The following IFT57 variants were observed in gnomAD, a reference collection of about 807,000 sequenced individuals.
The protein encoded by IFT57 is intraflagellar transport 57, also known as intraflagellar transport protein 57 homolog.
IFT57 carries 59 observed loss-of-function variants against 56.8 expected under a neutral mutation model. The observed-to-expected ratio is 1.04, with a 90% confidence interval of 0.84 to 1.29. The LOEUF is 1.29. Among genes scored for constraint, IFT57 ranks in the 50% most tolerant of loss-of-function variants. The pLI is 0.00. For missense variants in IFT57, 470 were observed against 522.1 expected (o/e 0.90, Z 0.97); for synonymous variants, 209 against 186.1 (o/e 1.12, Z -1.00).
At chr3:108,185,948 G>C (rs189373493) in intron 6 of IFT57, among the ~76,000 whole-genome samples, 1 of 151,892 alleles carries the variant, frequency 6.6e-6, no homozygotes, top group Non-Finnish European at 1.5e-5. Context: ...TTTTGATATC[G>C]GACCATGCCC....
chr3:108,170,622 C>T (rs1035823794), intron 6 of IFT57, among the ~76,000 whole-genome samples: 13 of 151,314 alleles, frequency 8.6e-5, no homozygotes, highest in African/African-American at 2.9e-4. Context: ...CTACCATTGA[C>T]TTTCTACCCA....
chr3:108,198,725 G>A (rs1687827818), intron 5 of IFT57, among the ~76,000 whole-genome samples: 1 of 152,168 alleles, frequency 6.6e-6, no homozygotes, highest in Non-Finnish European at 1.5e-5. Context: ...AGAGGCGTGA[G>A]TCACTGCACT....
chr3:108,190,271 T>C (rs189255831), intron 6 of IFT57, among the ~76,000 whole-genome samples: 3 of 152,278 alleles, frequency 2.0e-5, no homozygotes, highest in African/African-American at 7.2e-5. Flanking sequence ...TGTTCTGAAA[T>C]GTAAGGACAT....
chr3:108,188,396 T>A (rs1291585654), intron 6 of IFT57, among the ~76,000 whole-genome samples: 1 of 152,172 alleles, frequency 6.6e-6, no homozygotes, highest in Non-Finnish European at 1.5e-5. Context: ...CCAATTGCCA[T>A]ATCTGAAAGA....
intron 6 of IFT57, among the ~76,000 whole-genome samples, chr3:108,185,786 T>G (rs981465224): frequency 6.6e-6 from 1 of 152,058 alleles, no homozygotes; most frequent in African/African-American, 2.4e-5. Flanking sequence ...CCCTGAGCCT[T>G]GACAGGAAGA....
chr3:108,209,715 T>C (rs184841501), intron 4 of IFT57, among the ~76,000 whole-genome samples: 21 of 152,352 alleles, frequency 1.4e-4, no homozygotes, highest in Admixed American at 1.2e-3. Flanking sequence ...CTTTGCCTCA[T>C]TGTCACTAAA....
In IFT57 at chr3:108,172,635, T is replaced by A. The variant is rs1411912019; in HGVS notation, c.778-4771A>T. ...GTGAGAATAGAAAGGAAGGGATGCA[T>A]CAAGGGACATTGTAGAGGCAGAACT... is the stretch of plus-strand genomic sequence containing the variant. On this transcript the variant is annotated intron_variant, in intron 6 of 10. Coordinates refer to ENST00000264538, the MANE Select transcript of IFT57 (RefSeq NM_018010.4). Among the ~76,000 whole-genome samples, 5 of 151,870 alleles carry A rather than the reference T, an allele frequency of 3.3e-5. No individual in the cohort carries two copies. In the East Asian group the frequency reaches 7.8e-4, roughly 24 times the overall value.
chr3:108,179,144 T>C (rs1175008057), intron 6 of IFT57, among the ~76,000 whole-genome samples: 2 of 151,844 alleles, frequency 1.3e-5, no homozygotes, highest in Non-Finnish European at 2.9e-5. Flanking sequence ...AGCAAGGCCC[T>C]GGGGGATCTG....
chr3:108,186,348 A>C (rs1390103961), intron 6 of IFT57, among the ~76,000 whole-genome samples: 2 of 146,136 alleles, frequency 1.4e-5, no homozygotes, highest in African/African-American at 5.0e-5. Flanking sequence ...GTTGGTGGGG[A>C]TAACAGGTTT....
At chr3:108,165,742 T>C (rs2080058946) in intron 8 of IFT57, among the ~76,000 whole-genome samples, 1 of 152,084 alleles carries the variant, frequency 6.6e-6, no homozygotes, top group Admixed American at 6.6e-5. Context: ...GTACCTCGCA[T>C]GGGCATGGTT....
chr3:108,189,231 C>A (rs1301059507), intron 6 of IFT57, among the ~76,000 whole-genome samples: 1 of 152,120 alleles, frequency 6.6e-6, no homozygotes, highest in East Asian at 1.9e-4. Flanking sequence ...TCCTCTATAA[C>A]AAGTAGGTAA....
chr3:108,208,666 A>G (rs1207656338), intron 4 of IFT57, among the ~76,000 whole-genome samples: 1 of 152,188 alleles, frequency 6.6e-6, no homozygotes, highest in East Asian at 1.9e-4. Context: ...TTGCTGGCCT[A>G]GAGGTCTTAG....
Position 108,160,925 on chromosome 3 carries a change from GTGGCTTATACT to G in IFT57, c.*1541_*1551del, listed in dbSNP as rs1240344593. On this transcript the variant is annotated 3_prime_UTR_variant, in exon 11 of 11. Transcript: ENST00000264538. ...ATTTCAGAGAAGGAAGTAAAAATAG[GTGGCTTATACT>G]ACTCATTGCAAGAATTTTTAGATTT... 2 of 152,138 alleles carry G rather than the reference GTGGCTTATACT, an allele frequency of 1.3e-5. No individual in the cohort carries two copies. The highest frequency in any genetic ancestry group is 4.8e-5 in the African/African-American group (2 of 41,436). The allele number at this position is 152,138 out of a possible 1,614,324, so 9.4% of individuals were successfully genotyped here.
intron 10 of IFT57, among the ~76,000 whole-genome samples, chr3:108,163,442 A>G (rs1399013542): frequency 2.0e-5 from 3 of 152,202 alleles, no homozygotes. Flanking sequence ...AATAGTTTGA[A>G]TGTTAAAAAC....
In IFT57 at chr3:108,214,023, T is replaced by G. The variant is rs2080357723; in HGVS notation, c.495-2A>C. 1 of 1,547,610 alleles carries G rather than the reference T, an allele frequency of 6.5e-7. No individual in the cohort carries two copies. Among genetic ancestry groups the G allele is most frequent in the Non-Finnish European group, 8.9e-7 (1 of 1,121,620 alleles). ...AATTCTTCTACTGGGTATATTGGCC[T>G]AAAATAATAAGATTAAACATGAGGT... On this transcript the variant is annotated splice_acceptor_variant, in intron 3 of 10. Transcript: ENST00000264538. LOFTEE classifies it high-confidence loss of function.
intron 4 of IFT57, among the ~76,000 whole-genome samples, chr3:108,213,437 GCATGTAAAA>G (rs923159518): frequency 2.6e-5 from 4 of 152,106 alleles, no homozygotes; most frequent in African/African-American, 9.7e-5. Flanking sequence ...ACTATGGATG[GCATGTAAAA>G]CATGTAAAAA....
chr3:108,212,787 CTTATT>C (rs914768663), intron 4 of IFT57, among the ~76,000 whole-genome samples: 5 of 152,114 alleles, frequency 3.3e-5, no homozygotes, highest in African/African-American at 1.2e-4. Context: ...CAATTACTTA[CTTATT>C]TTAAACTAAT....
chr3:108,185,883 CT>C (rs2080179122), intron 6 of IFT57, among the ~76,000 whole-genome samples: 1 of 152,090 alleles, frequency 6.6e-6, no homozygotes, highest in African/African-American at 2.4e-5. Context: ...TCCATCGATG[CT>C]TTATCCCTGA....
At chr3:108,165,342 G>A (rs1347745478) in intron 9 of IFT57, 89 bp downstream of exon 9, 1 of 964,802 alleles carries the variant, frequency 1.0e-6, no homozygotes, top group African/African-American at 1.6e-5. Flanking sequence ...GGAAGCAACT[G>A]AAATTAGCAG....
Sources: gnomAD v4.1 joint callset for allele counts (sites outside exome capture counted in the v4.1 genomes callset) on GRCh38, gnomAD v4.1.1 for gene constraint, MANE v1.5 for transcripts, NCBI Gene and HGNC (gene_info 2026-07-23, HGNC 2026-07-21) for gene names.